The following LRP1B variants were observed in gnomAD, a reference collection of about 807,000 sequenced individuals.
LRP1B encodes LDL receptor related protein 1B, also known as low-density lipoprotein receptor-related protein 1B.
A neutral mutation model predicts 556.6 loss-of-function variants in LRP1B; 217 were observed. The ratio of observed to expected loss-of-function variants is 0.39; its 90% CI spans 0.35 to 0.44. LRP1B has a LOEUF of 0.44. Ranked by LOEUF, LRP1B falls within the 20% of genes least tolerant of loss-of-function variation. LRP1B has a pLI of 1.00. For missense variants in LRP1B, 5,053 were observed against 5,620.8 expected, an observed-to-expected ratio of 0.90 and a Z score of 3.23; for synonymous variants, 2,047 against 1,865.8, an observed-to-expected ratio of 1.10 and a Z score of -2.50.
In LRP1B at chr2:141,815,517, A is replaced by C. The variant is rs367758664; in HGVS notation, c.83-5116T>G. ...ACTCTGTAGCTAGCAAGGGATTGTAAAATGCACCAATCAGCACTCTATAAA... is the reference window on the plus strand; with the variant it reads ...ACTCTGTAGCTAGCAAGGGATTGTACAATGCACCAATCAGCACTCTATAAA... On this transcript the variant is annotated intron_variant, in intron 1 of 90. Transcript: ENST00000389484. Among the ~76,000 whole-genome samples the C allele has an allele frequency of 2.0e-4, 30 of 152,228 alleles. 1 individual carries two copies. Among genetic ancestry groups the C allele is most frequent in the Admixed American group, 1.0e-3 (16 of 15,278 alleles).
chr2:140,848,967 AC>A (rs1187430253), intron 29 of LRP1B, among the ~76,000 whole-genome samples: 1 of 152,066 alleles, frequency 6.6e-6, no homozygotes, highest in Non-Finnish European at 1.5e-5. Context: ...CTATAATTCA[AC>A]CTGCTGGATC....
intron 84 of LRP1B, among the ~76,000 whole-genome samples, chr2:140,289,432 A>G (rs1334909282): frequency 6.6e-6 from 1 of 152,044 alleles, no homozygotes; most frequent in Non-Finnish European, 1.5e-5. Context: ...AATGATATTT[A>G]ATGTTGTTTA....
At chr2:141,470,062 C>T (rs988396880) in intron 3 of LRP1B, among the ~76,000 whole-genome samples, 1 of 152,152 alleles carries the variant, frequency 6.6e-6, no homozygotes, top group Non-Finnish European at 1.5e-5. Context: ...AGATTGGGTA[C>T]CATCCACAGT....
rs894209379 is a variant in LRP1B, at chr2:141,862,422, GA to G, written c.83-52022del. ...AAAATATCAGCCACTGAAATTACGT[GA>G]AAAAAAATATATATGCATATTGCCC... On this transcript the variant is annotated intron_variant, in intron 1 of 90. Coordinates refer to ENST00000389484, the MANE Select transcript of LRP1B (RefSeq NM_018557.3). 8.2e-4 allele frequency among the ~76,000 whole-genome samples: 124 copies of G among 151,824 alleles called. 1 individual carries two copies. Among genetic ancestry groups the G allele is most frequent in the African/African-American group, 2.8e-3 (116 of 41,422 alleles).
intron 27 of LRP1B, among the ~76,000 whole-genome samples, chr2:140,855,278 A>G (rs573378015): frequency 3.4e-4 from 51 of 150,434 alleles, no homozygotes; most frequent in African/African-American, 1.0e-3. Context: ...TTGTTGCGCT[A>G]AACTCCTAAC....
intron 7 of LRP1B, among the ~76,000 whole-genome samples, chr2:141,150,550 T>C (rs1411955071): frequency 6.6e-6 from 1 of 152,158 alleles, no homozygotes; most frequent in Admixed American, 6.6e-5. Context: ...AATTTATAAG[T>C]CCAATTCATA....
intron 2 of LRP1B, among the ~76,000 whole-genome samples, chr2:141,734,554 C>T (rs1438285446): frequency 6.6e-6 from 1 of 152,088 alleles, no homozygotes; most frequent in Non-Finnish European, 1.5e-5. Flanking sequence ...TCAATATGCT[C>T]TAGCCTGGCA....
intron 2 of LRP1B, among the ~76,000 whole-genome samples, chr2:141,626,031 C>T (rs933066353): frequency 6.6e-6 from 1 of 152,014 alleles, no homozygotes; most frequent in East Asian, 1.9e-4. Context: ...AATCTGTACC[C>T]AGTCCCTATT....
At chr2:141,581,009 C>T (rs938791464) in intron 2 of LRP1B, among the ~76,000 whole-genome samples, 2 of 152,172 alleles carry the variant, frequency 1.3e-5, no homozygotes, top group Non-Finnish European at 1.5e-5. Context: ...TCTAAATGTA[C>T]CAGGTATCCT....
At chr2:141,789,691 AT>A (rs1695546959) in intron 2 of LRP1B, among the ~76,000 whole-genome samples, 1 of 151,970 alleles carries the variant, frequency 6.6e-6, no homozygotes, top group Non-Finnish European at 1.5e-5. Flanking sequence ...TTCCAGTTTC[AT>A]TTAGTGGGAA....
rs1689137196 is a variant in LRP1B, at chr2:140,766,859, T to TATATATATTATATATATATA, written c.5758+2353_5758+2354insTATATATATATAATATATAT. On this transcript the variant is annotated intron_variant, in intron 35 of 90. Transcript: ENST00000389484. ...TATATATATATTATATATATATATA[T>TATATATATTATATATATATA]ATATATAATATATATAACATATGAT... Among the ~76,000 whole-genome samples, 151 of 50,180 alleles carry TATATATATTATATATATATA rather than the reference T, an allele frequency of 3.0e-3. 1 individual carries two copies. The highest frequency in any genetic ancestry group is 6.2e-3 in the African/African-American group (138 of 22,148). The allele number at this position is 50,180 out of a possible 152,430, so 32.9% of individuals were successfully genotyped here.
chr2:140,507,877 T>G (rs1315518199), intron 52 of LRP1B, among the ~76,000 whole-genome samples: 2 of 152,132 alleles, frequency 1.3e-5, no homozygotes, highest in Non-Finnish European at 2.9e-5. Context: ...GCAATTTACC[T>G]TCTTGGTGCA....
At position 141,639,302 on chromosome 2, in the gene LRP1B, GTGTATATATATATATATATA is replaced by G. The variant is rs1421820278; in HGVS notation, c.206-158789_206-158770del. On this transcript the variant is annotated intron_variant, in intron 2 of 90. Transcript: ENST00000389484. ...CTGGACCCAGGAGTACGCATCATGT[GTGTATATATATATATATATA>G]TATATATATATATATATATATATAT... 7.2e-3 allele frequency among the ~76,000 whole-genome samples: 237 copies of G among 33,026 alleles called. 3 individuals carry two copies. Among genetic ancestry groups the G allele is most frequent in the African/African-American group, 0.018 (229 of 12,650 alleles). 21.7% of individuals were successfully genotyped at this position (33,026 alleles called of 152,430 possible).
chr2:140,540,958 A>T lies in LRP1B; in HGVS notation c.7513+15T>A, dbSNP rs1304690410. The T allele has an allele frequency of 6.2e-7, 1 of 1,602,398 alleles. No homozygotes were observed. The highest frequency in any genetic ancestry group is 1.7e-5 in the Admixed American group (1 of 58,156). On this transcript the variant is annotated intron_variant, in intron 45 of 90. Coordinates refer to ENST00000389484, the MANE Select transcript of LRP1B (RefSeq NM_018557.3). The stretch of plus-strand genomic sequence containing the variant: ...AACAGATTTGTCATATTACATTTCA[A>T]TTCCCTTTACTTACTCACACATCTG...
At chr2:140,611,132 T>C (rs1265789112) in intron 41 of LRP1B, among the ~76,000 whole-genome samples, 1 of 152,228 alleles carries the variant, frequency 6.6e-6, no homozygotes, top group East Asian at 1.9e-4. Context: ...ACAGGTAGAA[T>C]ACTAGAAATA....
At chr2:140,729,332 T>C (rs1015778185) in intron 35 of LRP1B, among the ~76,000 whole-genome samples, 2 of 152,168 alleles carry the variant, frequency 1.3e-5, no homozygotes, top group Non-Finnish European at 2.9e-5. Flanking sequence ...TAACAGTTAC[T>C]ACCATCACAG....
chr2:140,289,384 A>T (rs1683284330), intron 84 of LRP1B, among the ~76,000 whole-genome samples: 1 of 151,988 alleles, frequency 6.6e-6, no homozygotes. Context: ...TCTTCAAAAA[A>T]CTTTTATACT....
At chr2:140,512,250 AG>A (rs530920797) in intron 51 of LRP1B, among the ~76,000 whole-genome samples, 1 of 152,318 alleles carries the variant, frequency 6.6e-6, no homozygotes, top group East Asian at 1.9e-4. Context: ...AAATGGCATA[AG>A]GCTCTTTGCA....
At position 141,580,194 on chromosome 2, in the gene LRP1B, G is replaced by A. The variant is rs566796580; in HGVS notation, c.206-99661C>T. Among the ~76,000 whole-genome samples the A allele has an allele frequency of 2.0e-5, 3 of 152,234 alleles. No individual in the cohort carries two copies. In the East Asian group the frequency reaches 5.8e-4, roughly 29 times the overall value. On this transcript the variant is annotated intron_variant, in intron 2 of 90. Transcript: ENST00000389484. ...AGGCACTAATTTAGATCTACAAAAT[G>A]AGTCTTCTATGTACATAAATAGTTT... is the stretch of plus-strand genomic sequence containing the variant.
Sources: gnomAD v4.1 joint callset for allele counts (sites outside exome capture counted in the v4.1 genomes callset) on GRCh38, gnomAD v4.1.1 for gene constraint, MANE v1.5 for transcripts, NCBI Gene and HGNC (gene_info 2026-07-23, HGNC 2026-07-21) for gene names.